TXNDC8: variants seen among roughly 807,000 people sequenced by gnomAD.
TXNDC8 encodes the protein thioredoxin domain-containing protein 8.
In TXNDC8, 15 loss-of-function variants were observed where a neutral mutation model predicts 12.9. The observed-to-expected ratio is 1.16, with a 90% confidence interval of 0.78 to 1.79. TXNDC8 has a LOEUF of 1.79. Ranked by LOEUF, TXNDC8 falls within the 40% of genes most tolerant of loss-of-function variation. The probability of loss-of-function intolerance (pLI) is 0.00; values close to 1 mark genes in which losing one functional copy is unlikely to be tolerated. For missense variants in TXNDC8, 128 were observed against 113.2 expected, an observed-to-expected ratio of 1.13 and a Z score of -0.59; for synonymous variants, 40 against 35.4, an observed-to-expected ratio of 1.13 and a Z score of -0.46.
At position 110,320,273 on chromosome 9, in the gene TXNDC8, G is replaced by A. The variant is rs570556964; in HGVS notation, c.195+5902C>T. On this transcript the variant is annotated intron_variant, in intron 3 of 4. Coordinates refer to ENST00000423740, the MANE Select transcript of TXNDC8 (RefSeq NM_001286946.2). ...GTGTCATGGGAGGGACCTAGCAGGAGGTAATTGAATCATGGGGGCGGGTCT... is the reference window on the plus strand; with the variant it reads ...GTGTCATGGGAGGGACCTAGCAGGAAGTAATTGAATCATGGGGGCGGGTCT... Among the ~76,000 whole-genome samples, 5 of 152,284 alleles carry A rather than the reference G, an allele frequency of 3.3e-5. No individual in the cohort carries two copies. In the East Asian group the frequency reaches 9.7e-4, roughly 29 times the overall value.
intron 2 of TXNDC8, 46 bp from the exon 4 acceptor site, chr9:110,326,286 C>G (rs1302412340): frequency 1.9e-6 from 3 of 1,598,452 alleles, no homozygotes; most frequent in East Asian, 2.2e-5. Flanking sequence ...TTGGTGTCCT[C>G]TCTCTGTACC....
chr9:110,318,199 A>T (rs1339643286), intron 3 of TXNDC8, among the ~76,000 whole-genome samples: 3 of 152,190 alleles, frequency 2.0e-5, no homozygotes, highest in African/African-American at 7.2e-5. Flanking sequence ...GAGAGAGAGC[A>T]TTCCTATGTG....
At chr9:110,307,182 G>A (rs1292613784) in intron 3 of TXNDC8, among the ~76,000 whole-genome samples, 1 of 151,154 alleles carries the variant, frequency 6.6e-6, no homozygotes, top group Non-Finnish European at 1.5e-5. Flanking sequence ...TCAAACTCCT[G>A]GCCTCAAAAG....
At chr9:110,328,798 C>T (rs1839436859) in intron 2 of TXNDC8, among the ~76,000 whole-genome samples, 1 of 152,186 alleles carries the variant, frequency 6.6e-6, no homozygotes, top group African/African-American at 2.4e-5. Flanking sequence ...AAGAGTGAAA[C>T]TCTGTCCCCC....
intron 3 of TXNDC8, among the ~76,000 whole-genome samples, chr9:110,314,722 G>T (rs1415852057): frequency 6.6e-6 from 1 of 152,036 alleles, no homozygotes; most frequent in African/African-American, 2.4e-5. Flanking sequence ...TTGAGCCACC[G>T]CGCCCGGCCA....
intron 3 of TXNDC8, among the ~76,000 whole-genome samples, chr9:110,321,992 C>A (rs975612697): frequency 2.6e-5 from 4 of 152,168 alleles, no homozygotes; most frequent in African/African-American, 9.7e-5. Context: ...TTAGGATCTC[C>A]TCCTCCTTTT....
At position 110,337,689 on chromosome 9, in the gene TXNDC8, A is replaced by G. The variant is rs1839811434; in HGVS notation, c.24+84T>C. The G allele has an allele frequency of 3.1e-6, 4 of 1,283,788 alleles. No homozygotes were observed. The South Asian group carries it at 4.9e-5, about 16-fold the overall frequency. 79.5% of individuals were successfully genotyped at this position (1,283,788 alleles called of 1,614,324 possible). A position where few individuals can be genotyped will look rare whatever the true frequency, so the allele number is the denominator to read the frequency against. On this transcript the variant is annotated intron_variant, in intron 1 of 4. Transcript: ENST00000423740. ...AATGCAATGATAGAATACTGGATAG[A>G]GAGAACACATTCTTAAAGTTTTTCA...
At chr9:110,331,012 C>G (rs1482313447) in intron 2 of TXNDC8, among the ~76,000 whole-genome samples, 1 of 152,088 alleles carries the variant, frequency 6.6e-6, no homozygotes, top group Non-Finnish European at 1.5e-5. Context: ...TTCTTTCCCT[C>G]TCTTGAATAA....
downstream of TXNDC8, chr9:110,303,390 T>A: frequency 9.8e-7 from 1 of 1,024,106 alleles, no homozygotes; most frequent in Non-Finnish European, 1.3e-6. Context: ...GATTGCATTA[T>A]GGTATTCAAC....
intron 4 of TXNDC8, among the ~76,000 whole-genome samples, chr9:110,303,880 C>T (rs999306348): frequency 6.6e-6 from 1 of 152,146 alleles, no homozygotes; most frequent in Admixed American, 6.5e-5. Flanking sequence ...CAAACTCCAT[C>T]ATTGGAACTT....
chr9:110,312,590 G>A (rs36020244), intron 3 of TXNDC8, among the ~76,000 whole-genome samples: 8,581 of 152,238 alleles, frequency 0.056, 300 homozygotes, highest in Middle Eastern at 0.095. Flanking sequence ...ATCTATGGCT[G>A]GGCTCAGCTT....
chr9:110,322,171 T>C (rs1308839596), intron 3 of TXNDC8, among the ~76,000 whole-genome samples: 1 of 131,680 alleles, frequency 7.6e-6, no homozygotes, highest in African/African-American at 2.8e-5. Flanking sequence ...TAATGTGACA[T>C]AAATGGTCTC....
chr9:110,303,320 T>TCAGAGCAAGTGGGAAGCCCAAGTG (rs1241336486), downstream of TXNDC8, among the ~76,000 whole-genome samples: 2 of 152,186 alleles, frequency 1.3e-5, no homozygotes, highest in African/African-American at 2.4e-5. Flanking sequence ...AAGCCCAAGT[T>TCAGAGCAAGTGGGAAGCCCAAGTG]GGAGAATGGA....
intron 2 of TXNDC8, 69 bp downstream of exon 2, chr9:110,334,147 T>C: frequency 1.5e-6 from 2 of 1,373,700 alleles, no homozygotes; most frequent in Non-Finnish European, 2.0e-6. Flanking sequence ...TTTTAAGAAT[T>C]ACTGGGAAAA....
chr9:110,320,696 T>C (rs1370100158), intron 3 of TXNDC8, among the ~76,000 whole-genome samples: 1 of 152,210 alleles, frequency 6.6e-6, no homozygotes, highest in East Asian at 1.9e-4. Context: ...TTATTAGATT[T>C]TAAGAGGGTC....
chr9:110,321,980 C>T (rs959925942), intron 3 of TXNDC8, among the ~76,000 whole-genome samples: 1 of 152,178 alleles, frequency 6.6e-6, no homozygotes, highest in African/African-American at 2.4e-5. Context: ...AATACTCTCT[C>T]TTTAGGATCT....
intron 3 of TXNDC8, among the ~76,000 whole-genome samples, chr9:110,309,573 T>G (rs894292481): frequency 6.6e-6 from 1 of 152,168 alleles, no homozygotes; most frequent in Non-Finnish European, 1.5e-5. Flanking sequence ...TGACTTCAGG[T>G]GATCTGCGCA....
chr9:110,304,325 G>C (rs1838342741), intron 4 of TXNDC8, 142 bp downstream of exon 5: 1 of 664,634 alleles, frequency 1.5e-6, no homozygotes. Context: ...TTACTGCCCG[G>C]TGTGCTGCAG....
intron 3 of TXNDC8, chr9:110,323,757 T>G: frequency 4.6e-6 from 6 of 1,313,118 alleles, no homozygotes; most frequent in Admixed American, 2.4e-5. Context: ...TTGGCTTGAC[T>G]CTGTTTTCTT....
Sources: allele counts gnomAD v4.1 joint callset (sites outside exome capture counted in the v4.1 genomes callset), GRCh38; gene constraint gnomAD v4.1.1; transcripts MANE v1.5; gene names NCBI Gene and HGNC (gene_info 2026-07-23, HGNC 2026-07-21).